DLG2: variants seen among roughly 807,000 people sequenced by gnomAD.
DLG2 encodes disks large homolog 2.
In DLG2, 45 loss-of-function variants were observed where a neutral mutation model predicts 132.5. The ratio of observed to expected loss-of-function variants is 0.34; its 90% confidence interval spans 0.27 to 0.44. The LOEUF (loss-of-function observed/expected upper bound fraction) is 0.44, where lower values mean the gene tolerates loss of function less well. Among genes scored for constraint, DLG2 ranks in the 20% least tolerant of loss-of-function variants. DLG2 has a pLI of 1.00. For synonymous variants in DLG2, 424 were observed against 419.6 expected, an observed-to-expected ratio of 1.01 and a Z score of -0.13; for missense variants, 1,045 against 1,196.9, an observed-to-expected ratio of 0.87 and a Z score of 1.87.
intron 9 of DLG2, among the ~76,000 whole-genome samples, chr11:84,134,873 T>C (rs1207357229): frequency 1.3e-5 from 2 of 151,778 alleles, no homozygotes; most frequent in African/African-American, 4.8e-5. Context: ...GTCCAGCCAA[T>C]ATAGGGTAGT....
chr11:85,199,046 C>T (rs1037824671), intron 4 of DLG2, among the ~76,000 whole-genome samples: 2 of 152,132 alleles, frequency 1.3e-5, no homozygotes, highest in African/African-American at 2.4e-5. Context: ...TTAGGACCCC[C>T]AAATTCCACT....
intron 7 of DLG2, among the ~76,000 whole-genome samples, chr11:84,430,383 G>A (rs1283856067): frequency 6.7e-6 from 1 of 149,934 alleles, no homozygotes; most frequent in Non-Finnish European, 1.5e-5. Context: ...AGGTTGTAGT[G>A]AGCCGAGATC....
At chr11:84,788,690 C>T (rs1402867672) in intron 6 of DLG2, among the ~76,000 whole-genome samples, 2 of 152,086 alleles carry the variant, frequency 1.3e-5, no homozygotes, top group Admixed American at 1.3e-4. Flanking sequence ...ACTTATCTCT[C>T]CTACTACAGT....
At chr11:84,012,531 C>A (rs531446115) in intron 11 of DLG2, among the ~76,000 whole-genome samples, 1 of 152,062 alleles carries the variant, frequency 6.6e-6, no homozygotes, top group Non-Finnish European at 1.5e-5. Context: ...ATATAGTTGG[C>A]AAATGCAGTT....
intron 6 of DLG2, among the ~76,000 whole-genome samples, chr11:85,103,858 T>A (rs2071273008): frequency 6.6e-6 from 1 of 151,790 alleles, no homozygotes; most frequent in Admixed American, 6.6e-5. Context: ...TGTAAAGAAC[T>A]CTTACAACTC....
intron 19 of DLG2, among the ~76,000 whole-genome samples, chr11:83,572,407 G>A (rs2096811982): frequency 6.6e-6 from 1 of 152,124 alleles, no homozygotes; most frequent in African/African-American, 2.4e-5. Flanking sequence ...TTGAGAAAAG[G>A]AAGGTTGGAA....
At chr11:83,829,264 T>G (rs1413735602) in intron 17 of DLG2, among the ~76,000 whole-genome samples, 7 of 151,366 alleles carry the variant, frequency 4.6e-5, no homozygotes, top group Admixed American at 2.0e-4. Context: ...TGGTGTGATC[T>G]TGGCTCACTG....
intron 7 of DLG2, among the ~76,000 whole-genome samples, chr11:84,310,641 T>G (rs945821715): frequency 5.3e-5 from 8 of 152,168 alleles, no homozygotes; most frequent in Non-Finnish European, 8.8e-5. Flanking sequence ...TGTTATCACT[T>G]GCTCTCTTCT....
chr11:85,002,654 G>A (rs1407756149), intron 6 of DLG2, among the ~76,000 whole-genome samples: 1 of 152,072 alleles, frequency 6.6e-6, no homozygotes, highest in African/African-American at 2.4e-5. Flanking sequence ...AACCAGATGG[G>A]TGCCAAATAG....
intron 4 of DLG2, among the ~76,000 whole-genome samples, chr11:85,179,366 A>C (rs758940933): frequency 2.0e-5 from 3 of 151,936 alleles, no homozygotes; most frequent in Non-Finnish European, 2.9e-5. Context: ...TCTAAGTACA[A>C]AGATAAATAG....
Position 84,058,112 on chromosome 11 carries a change from A to C in DLG2, c.919+1203T>G, listed in dbSNP as rs79567806. 5.0e-3 allele frequency among the ~76,000 whole-genome samples: 736 copies of C among 148,680 alleles called. 4 individuals are homozygous for C. Among genetic ancestry groups the C allele is most frequent in the African/African-American group, 0.019 (719 of 38,150 alleles). ...ACTCAGTCCTGAGATCTTAAATACC[A>C]CCCACTACTGCCTCCTAGAAGAGAT... On this transcript the variant is annotated intron_variant, in intron 11 of 27. Coordinates refer to ENST00000376104, the MANE Select transcript of DLG2 (RefSeq NM_001142699.3).
chr11:83,665,186 A>G (rs535542694), intron 18 of DLG2, among the ~76,000 whole-genome samples: 12 of 152,354 alleles, frequency 7.9e-5, no homozygotes, highest in African/African-American at 2.9e-4. Flanking sequence ...AGCCTTAGAA[A>G]GAGGTGCCAA....
intron 6 of DLG2, among the ~76,000 whole-genome samples, chr11:84,889,110 C>CTTATA (rs58081071): frequency 0.73 from 110,223 of 151,464 alleles, 41,970 homozygotes; most frequent in Middle Eastern, 0.87. Context: ...ATTAAAATCT[C>CTTATA]TTAAACTTAC....
Position 83,998,423 on chromosome 11 carries a change from C to A in DLG2, c.920-17781G>T, listed in dbSNP as rs193247490. Among the ~76,000 whole-genome samples the A allele has an allele frequency of 1.1e-3, 165 of 152,022 alleles. 1 individual carries two copies. Among genetic ancestry groups the A allele is most frequent in the Middle Eastern group, 6.8e-3 (2 of 294 alleles). Reference sequence around the variant, plus strand: ...TAGATAATCACACTTCGTATAGTTCCCTGAAGAGAAAATACTGGAATGTAA... The same window carrying A: ...TAGATAATCACACTTCGTATAGTTCACTGAAGAGAAAATACTGGAATGTAA... On this transcript the variant is annotated intron_variant, in intron 11 of 27. Coordinates refer to ENST00000376104, the MANE Select transcript of DLG2 (RefSeq NM_001142699.3).
intron 8 of DLG2, among the ~76,000 whole-genome samples, chr11:84,226,344 C>G (rs2096993795): frequency 6.6e-6 from 1 of 152,174 alleles, no homozygotes; most frequent in Non-Finnish European, 1.5e-5. Context: ...GGTCTGCCAG[C>G]ATGTCTAACC....
At chr11:83,613,489 C>A (rs1208149769) in intron 19 of DLG2, among the ~76,000 whole-genome samples, 2 of 152,146 alleles carry the variant, frequency 1.3e-5, no homozygotes, top group South Asian at 2.1e-4. Context: ...ATCTTACCAA[C>A]CTTTTCAATC....
At chr11:84,969,484 T>C (rs974742215) in intron 6 of DLG2, among the ~76,000 whole-genome samples, 3 of 152,190 alleles carry the variant, frequency 2.0e-5, no homozygotes, top group Non-Finnish European at 4.4e-5. Context: ...AAAAATCTTT[T>C]TTGGAAAATC....
chr11:84,877,864 T>C (rs2086632910), intron 6 of DLG2, among the ~76,000 whole-genome samples: 1 of 151,744 alleles, frequency 6.6e-6, no homozygotes, highest in Admixed American at 6.6e-5. Flanking sequence ...TTAAACAAAT[T>C]TACAAGAAAA....
At chr11:84,511,778 A>T (rs1316308281) in intron 7 of DLG2, among the ~76,000 whole-genome samples, 2 of 151,976 alleles carry the variant, frequency 1.3e-5, no homozygotes, top group Non-Finnish European at 1.5e-5. Context: ...TGATGATAAA[A>T]CTCATTTGGC....
Sources: allele counts gnomAD v4.1 joint callset (sites outside exome capture counted in the v4.1 genomes callset), GRCh38; gene constraint gnomAD v4.1.1; transcripts MANE v1.5; gene names NCBI Gene and HGNC (gene_info 2026-07-23, HGNC 2026-07-21).